UBR1: variants seen among roughly 807,000 people sequenced by gnomAD.
The protein encoded by UBR1 is ubiquitin protein ligase E3 component n-recognin 1.
A neutral mutation model predicts 242.1 loss-of-function variants in UBR1; 102 were observed. The ratio of observed to expected loss-of-function variants is 0.42; its 90% CI spans 0.36 to 0.50. UBR1 has a LOEUF of 0.50. Ranked by LOEUF, UBR1 falls within the 20% of genes least tolerant of loss-of-function variation. The probability of loss-of-function intolerance (pLI) is 0.01; values close to 1 mark genes in which losing one functional copy is unlikely to be tolerated. For missense variants in UBR1, 1,772 were observed against 2,101.8 expected, an observed-to-expected ratio of 0.84 and a Z score of 3.07; for synonymous variants, 675 against 684.8, an observed-to-expected ratio of 0.99 and a Z score of 0.22.
At chr15:43,078,686 G>A (rs1567146033) in intron 3 of UBR1, among the ~76,000 whole-genome samples, 1 of 152,088 alleles carries the variant, frequency 6.6e-6, no homozygotes, top group Non-Finnish European at 1.5e-5. Context: ...TAGAAAAACT[G>A]GCCAGGCACA....
At chr15:43,000,587 G>T (rs1316245605) in intron 32 of UBR1, among the ~76,000 whole-genome samples, 2 of 152,064 alleles carry the variant, frequency 1.3e-5, no homozygotes, top group African/African-American at 4.8e-5. Context: ...GGTCTGTCTT[G>T]GGACAAGTAA....
At chr15:43,085,348 C>T (rs1289779964) in intron 2 of UBR1, among the ~76,000 whole-genome samples, 5 of 152,206 alleles carry the variant, frequency 3.3e-5, no homozygotes, top group Non-Finnish European at 7.3e-5. Context: ...CAAAGAGTTT[C>T]AGGTAAGAGT....
At chr15:42,965,455 T>C (rs2032090208) in intron 41 of UBR1, among the ~76,000 whole-genome samples, 1 of 150,930 alleles carries the variant, frequency 6.6e-6, no homozygotes, top group African/African-American at 2.4e-5. Context: ...TTTAATGTAG[T>C]CATATGTACT....
At chr15:42,967,736 C>A (rs1203829809) in intron 40 of UBR1, among the ~76,000 whole-genome samples, 1 of 151,628 alleles carries the variant, frequency 6.6e-6, no homozygotes, top group Non-Finnish European at 1.5e-5. Context: ...ACTCTTTATA[C>A]TTTCTGCTCA....
At chr15:43,008,878 C>A (rs1293083723) in intron 29 of UBR1, among the ~76,000 whole-genome samples, 1 of 152,140 alleles carries the variant, frequency 6.6e-6, no homozygotes, top group African/African-American at 2.4e-5. Context: ...GATCTCCTCT[C>A]CACTGAGTGC....
intron 6 of UBR1, 148 bp from the exon 7 acceptor site, chr15:43,060,262 G>C (rs2141337961): frequency 2.5e-6 from 2 of 796,106 alleles, no homozygotes; most frequent in Middle Eastern, 2.3e-4. Context: ...ATATCTGAAA[G>C]ACAGATGCAA....
chr15:43,105,020 C>G (rs1486864841), intron 1 of UBR1, among the ~76,000 whole-genome samples: 1 of 152,022 alleles, frequency 6.6e-6, no homozygotes, highest in Non-Finnish European at 1.5e-5. Context: ...AAGAGCAAAA[C>G]TCTGCCTCAA....
Position 42,964,009 on chromosome 15 carries a change from G to C in UBR1, c.4626C>G (p.Ser1542Arg). Residue 1542 changes from serine (S) to arginine (R), a missense_variant, in exon 42 of 47, where the codon AGC becomes AGG. Ser to Arg is a moderately radical substitution (Grantham distance 110). This residue lies in a region of UBR1 where 965 missense variants were observed against 1,079.7 expected (regional missense o/e 0.89). Transcript: ENST00000290650. ...ACAAATTTGTAGGTAAAGATAGATA[G>C]CTACAGAGTGCACTGTACTCTCCTT... ...SAEGEYSALC[S>R]YLSLPTNLFL... 1.2e-6 allele frequency: 2 copies of C among 1,613,318 alleles called. No individual in the cohort carries two copies. Among genetic ancestry groups the C allele is most frequent in the South Asian group, 1.1e-5 (1 of 91,054 alleles).
intron 40 of UBR1, among the ~76,000 whole-genome samples, chr15:42,969,345 C>T (rs1184507086): frequency 6.6e-6 from 1 of 152,104 alleles, no homozygotes; most frequent in Non-Finnish European, 1.5e-5. Flanking sequence ...TATCCTTCGC[C>T]CACTTTCTGA....
intron 1 of UBR1, among the ~76,000 whole-genome samples, chr15:43,093,847 C>A (rs748827993): frequency 1.4e-5 from 2 of 147,928 alleles, no homozygotes; most frequent in Non-Finnish European, 3.0e-5. Context: ...CTAAAATCTA[C>A]TTTCCTGTAA....
Position 42,976,992 on chromosome 15 carries a change from C to A in UBR1, c.4219-125G>T, listed in dbSNP as rs907678058. On this transcript the variant is annotated intron_variant, in intron 38 of 46. Coordinates refer to ENST00000290650, the MANE Select transcript of UBR1 (RefSeq NM_174916.3). Reference sequence around the variant, plus strand: ...TTGTGTGTGTGTTTTTTAATAAAAACCATATTTTTCTTATTTATTCAATAG... The same window carrying A: ...TTGTGTGTGTGTTTTTTAATAAAAAACATATTTTTCTTATTTATTCAATAG... 2.2e-5 allele frequency: 24 copies of A among 1,078,884 alleles called. No homozygotes were observed. In the South Asian group the frequency reaches 3.2e-4, roughly 14 times the overall value. The allele number at this position is 1,078,884 out of a possible 1,614,324, so 66.8% of individuals were successfully genotyped here.
At chr15:42,971,529 T>TA (rs142654177) in intron 39 of UBR1, among the ~76,000 whole-genome samples, 1 of 152,348 alleles carries the variant, frequency 6.6e-6, no homozygotes, top group Non-Finnish European at 1.5e-5. Flanking sequence ...TCTGTTGTTT[T>TA]AAAAATGCTT....
At chr15:42,959,436 T>C (rs147103076) in intron 43 of UBR1, among the ~76,000 whole-genome samples, 3 of 152,156 alleles carry the variant, frequency 2.0e-5, no homozygotes, top group Non-Finnish European at 4.4e-5. Context: ...CTTTTCCTCT[T>C]TAAATTTCTA....
At chr15:42,963,272 T>A (rs1461337010) in intron 42 of UBR1, among the ~76,000 whole-genome samples, 1 of 151,326 alleles carries the variant, frequency 6.6e-6, no homozygotes, top group African/African-American at 2.4e-5. Context: ...CCTGGGTATT[T>A]AAAAAAAAGA....
chr15:42,996,568 C>T (rs1042222982), intron 33 of UBR1, among the ~76,000 whole-genome samples: 2 of 151,974 alleles, frequency 1.3e-5, no homozygotes, highest in Non-Finnish European at 2.9e-5. Flanking sequence ...GGGTGATGAG[C>T]GAGACCTGTC....
intron 14 of UBR1, among the ~76,000 whole-genome samples, chr15:43,043,934 A>G (rs369638974): frequency 3.3e-5 from 5 of 151,858 alleles, no homozygotes; most frequent in Non-Finnish European, 5.9e-5. Context: ...AAGAGGGGGG[A>G]AAAAAAAGAA....
At chr15:43,064,461 G>C (rs2033728675) in intron 6 of UBR1, among the ~76,000 whole-genome samples, 1 of 152,066 alleles carries the variant, frequency 6.6e-6, no homozygotes, top group African/African-American at 2.4e-5. Context: ...AAGCAAAGCA[G>C]TCAGAGAAAC....
At position 42,943,671 on chromosome 15, in the gene UBR1, G is replaced by C. The variant is rs1436304192; in HGVS notation, c.*1658C>G. The C allele has an allele frequency of 6.6e-6, 1 of 152,128 alleles. No homozygotes were observed. Among genetic ancestry groups the C allele is most frequent in the Non-Finnish European group, 1.5e-5 (1 of 68,024 alleles). The allele number at this position is 152,128 out of a possible 1,614,324, so 9.4% of individuals were successfully genotyped here. On this transcript the variant is annotated 3_prime_UTR_variant, in exon 47 of 47. Transcript: ENST00000290650. Reference sequence around the variant, plus strand: ...ATCTTCTGTTTCCTATTCTAGCCCAGATTTCCCAGTCAAACAATCCACTCA... The same window carrying C: ...ATCTTCTGTTTCCTATTCTAGCCCACATTTCCCAGTCAAACAATCCACTCA...
intron 37 of UBR1, among the ~76,000 whole-genome samples, chr15:42,982,762 T>C (rs1043619405): frequency 1.3e-5 from 2 of 152,212 alleles, no homozygotes; most frequent in African/African-American, 4.8e-5. Context: ...CTAGTTCAGC[T>C]ACAAGAAAAT....
Sources: gnomAD v4.1 joint callset for allele counts (sites outside exome capture counted in the v4.1 genomes callset) on GRCh38, gnomAD v4.1.1 for gene constraint, gnomAD v4.1.1 regional missense constraint, MANE v1.5 for transcripts, NCBI Gene and HGNC (gene_info 2026-07-23, HGNC 2026-07-21) for gene names.